Variants in EPB41L4A observed in about 807,000 individuals in gnomAD.
The protein encoded by EPB41L4A is erythrocyte membrane protein band 4.1 like 4A.
A neutral mutation model predicts 108.6 loss-of-function variants in EPB41L4A; 100 were observed. That is an observed-to-expected ratio of 0.92 (90% CI 0.78 to 1.09). The LOEUF is 1.09. Among genes scored for constraint, EPB41L4A ranks in the 50% least tolerant of loss-of-function variants. The pLI, the probability that EPB41L4A is intolerant of heterozygous loss-of-function variation, is 0.00. For synonymous variants in EPB41L4A, 319 were observed against 289.0 expected (o/e 1.10, Z -1.05); for missense variants, 1,030 against 842.7 (o/e 1.22, Z -2.75).
chr5:112,417,498 T>C (rs540560912), intron 1 of EPB41L4A, among the ~76,000 whole-genome samples: 1 of 152,360 alleles, frequency 6.6e-6, no homozygotes, highest in East Asian at 1.9e-4. Flanking sequence ...GTTTTTGTGA[T>C]TTTTGCCTAT....
At chr5:112,252,051 A>G (rs1425403245) in intron 9 of EPB41L4A, among the ~76,000 whole-genome samples, 1 of 39,784 alleles carries the variant, frequency 2.5e-5, no homozygotes, top group East Asian at 7.9e-4. Flanking sequence ...CAAATGAGTA[A>G]ATGTGTGGCT....
chr5:112,183,213 C>G (rs1761247317), intron 18 of EPB41L4A: 1 of 152,374 alleles, frequency 6.6e-6, no homozygotes, highest in Non-Finnish European at 1.5e-5. Flanking sequence ...AGCTCCCTAC[C>G]TACCTACCCA....
At chr5:112,347,226 G>A (rs1425602277) in intron 1 of EPB41L4A, among the ~76,000 whole-genome samples, 2 of 152,314 alleles carry the variant, frequency 1.3e-5, no homozygotes, top group South Asian at 2.1e-4. Flanking sequence ...TGATCCATTA[G>A]GGGATCCATG....
At chr5:112,194,674 A>G (rs1467022417) in intron 16 of EPB41L4A, 29 bp from the exon 17 acceptor site, 11 of 1,498,646 alleles carry the variant, frequency 7.3e-6, no homozygotes, top group Non-Finnish European at 9.2e-6. Flanking sequence ...GAACAAAAGA[A>G]AAAACACACA....
chr5:112,264,844 G>A, intron 6 of EPB41L4A, 52 bp downstream of exon 6: 1 of 1,555,468 alleles, frequency 6.4e-7, no homozygotes, highest in Non-Finnish European at 8.7e-7. Flanking sequence ...GTGAATATCA[G>A]AAGATGATGA....
At chr5:112,256,832 T>A (rs886389480) in intron 9 of EPB41L4A, 3 of 152,198 alleles carry the variant, frequency 2.0e-5, no homozygotes, top group Non-Finnish European at 4.4e-5. Context: ...AGTTTTAGGA[T>A]AATGAATAAT....
chr5:112,358,255 A>G (rs1024401301), intron 1 of EPB41L4A, among the ~76,000 whole-genome samples: 2 of 152,220 alleles, frequency 1.3e-5, no homozygotes, highest in African/African-American at 2.4e-5. Flanking sequence ...ACTTACACAC[A>G]TATATTACAC....
At chr5:112,193,819 A>G (rs936389876) in intron 17 of EPB41L4A, among the ~76,000 whole-genome samples, 6 of 152,216 alleles carry the variant, frequency 3.9e-5, no homozygotes, top group Admixed American at 1.3e-4. Flanking sequence ...ACGATAAAAA[A>G]TGACTCTGGA....
intron 18 of EPB41L4A, among the ~76,000 whole-genome samples, chr5:112,183,012 A>T (rs1426005577): frequency 2.0e-5 from 3 of 152,238 alleles, no homozygotes; most frequent in African/African-American, 7.2e-5. Flanking sequence ...TAAAATACAC[A>T]CATATACACG....
Position 112,239,699 on chromosome 5 carries a change from A to G in EPB41L4A, c.926T>C (p.Leu309Pro), listed in dbSNP as rs1749634700. The G allele has an allele frequency of 6.2e-7, 1 of 1,609,790 alleles. No homozygotes were observed. Among genetic ancestry groups the G allele is most frequent in the East Asian group, 2.2e-5 (1 of 44,634 alleles). ...ENESNSLSRK[L>P]SKFGSIRYKH... ...ATAACGTATGGATCCAAACTTGCTG[A>G]GTTTTCTTGACAGTGAATTGGATTC... Residue 309 changes from leucine to proline, a missense_variant, in exon 11 of 23, where the codon CTC becomes CCC. Transcript: ENST00000261486.
chr5:112,218,139 A>G (rs1042450282), intron 12 of EPB41L4A, among the ~76,000 whole-genome samples: 1 of 152,132 alleles, frequency 6.6e-6, no homozygotes, highest in Admixed American at 6.6e-5. Context: ...AAAAACAAGA[A>G]AGGGATTTGT....
chr5:112,304,623 TATTTA>T (rs1026415986), intron 2 of EPB41L4A, among the ~76,000 whole-genome samples: 1 of 152,090 alleles, frequency 6.6e-6, no homozygotes, highest in African/African-American at 2.4e-5. Context: ...ATCTACAGTT[TATTTA>T]ATTTTTTCTT....
intron 6 of EPB41L4A, 73 bp downstream of exon 6, chr5:112,264,823 A>C: frequency 6.8e-7 from 1 of 1,461,782 alleles, no homozygotes; most frequent in Non-Finnish European, 9.3e-7. Flanking sequence ...ATCATTCTAG[A>C]AACTTTTCTT....
intron 12 of EPB41L4A, among the ~76,000 whole-genome samples, chr5:112,216,449 G>A (rs1561483392): frequency 6.6e-6 from 1 of 152,124 alleles, no homozygotes; most frequent in African/African-American, 2.4e-5. Flanking sequence ...TTTGGAAAGC[G>A]AGAATACCTT....
chr5:112,325,442 T>TTA (rs1363738125), intron 1 of EPB41L4A, among the ~76,000 whole-genome samples: 6 of 103,508 alleles, frequency 5.8e-5, no homozygotes, highest in African/African-American at 1.9e-4. Context: ...CTCCGTCTCA[T>TTA]AAAAAAAAAA....
intron 1 of EPB41L4A, among the ~76,000 whole-genome samples, chr5:112,391,728 G>A (rs974966634): frequency 1.3e-5 from 2 of 152,044 alleles, no homozygotes; most frequent in Admixed American, 1.3e-4. Context: ...GAAATACAGA[G>A]AACACCATAG....
chr5:112,236,274 G>C (rs1749324408), intron 11 of EPB41L4A, among the ~76,000 whole-genome samples: 1 of 152,086 alleles, frequency 6.6e-6, no homozygotes, highest in Admixed American at 6.5e-5. Flanking sequence ...GGCTATACAG[G>C]ACCCAGCACT....
intron 9 of EPB41L4A, chr5:112,249,055 G>A (rs558945265): frequency 6.6e-6 from 1 of 152,270 alleles, no homozygotes; most frequent in East Asian, 1.9e-4. Flanking sequence ...GATACACAGT[G>A]TAGGTCATCA....
chr5:112,343,627 C>A (rs1008200589), intron 1 of EPB41L4A, among the ~76,000 whole-genome samples: 16 of 151,960 alleles, frequency 1.1e-4, no homozygotes, highest in African/African-American at 3.4e-4. Context: ...CATTTCAGAA[C>A]AGAGCTTAGG....
Sources: allele counts gnomAD v4.1 joint callset (sites outside exome capture counted in the v4.1 genomes callset), GRCh38; gene constraint gnomAD v4.1.1; transcripts MANE v1.5; gene names NCBI Gene and HGNC (gene_info 2026-07-23, HGNC 2026-07-21).